The following GAS2L3 variants were observed in gnomAD, a reference collection of about 807,000 sequenced individuals.
GAS2L3 encodes growth arrest specific 2 like 3.
In GAS2L3, 28 loss-of-function variants were observed where a neutral mutation model predicts 37.0. That is an observed-to-expected ratio of 0.76 (90% CI 0.56 to 1.04). The LOEUF is 1.04. GAS2L3 is among the 50% of genes least tolerant of loss of function. The pLI, the probability that GAS2L3 is intolerant of heterozygous loss-of-function variation, is 0.00. For missense variants in GAS2L3, 793 were observed against 817.6 expected, an observed-to-expected ratio of 0.97 and a Z score of 0.37; for synonymous variants, 290 against 296.6, an observed-to-expected ratio of 0.98 and a Z score of 0.23.
At chr12:100,585,501 ACCTTGGCCTC>A (rs1955768944) in intron 1 of GAS2L3, among the ~76,000 whole-genome samples, 1 of 149,904 alleles carries the variant, frequency 6.7e-6, no homozygotes, top group South Asian at 2.1e-4. Flanking sequence ...TGATCCACCC[ACCTTGGCCTC>A]CCAAAGTGCT....
chr12:100,617,777 G>A lies in GAS2L3; in HGVS notation c.479G>A (p.Cys160Tyr). 2 of 1,608,080 alleles carry A rather than the reference G, an allele frequency of 1.2e-6. No individual in the cohort carries two copies. The highest frequency in any genetic ancestry group is 1.7e-6 in the Non-Finnish European group (2 of 1,175,364). Residue 160 changes from cysteine (C) to tyrosine (Y), a missense_variant, in exon 7 of 10, where the codon TGT becomes TAT. Transcript: ENST00000547754. Reference protein sequence around the residue: ...LHKDPRQVYLCLLEIGRIVSR... With the variant: ...LHKDPRQVYLYLLEIGRIVSR... ...AAAGATCCAAGACAGGTGTATCTTTGTCTTCTTGAAATTGGTCGAATTGTG... is the reference window on the plus strand; with the variant it reads ...AAAGATCCAAGACAGGTGTATCTTTATCTTCTTGAAATTGGTCGAATTGTG...
chr12:100,615,590 A>G (rs1434335027), intron 6 of GAS2L3, among the ~76,000 whole-genome samples: 3 of 152,058 alleles, frequency 2.0e-5, no homozygotes, highest in Admixed American at 2.0e-4. Context: ...ATATATTTTT[A>G]ACATTTTTTT....
intron 1 of GAS2L3, among the ~76,000 whole-genome samples, chr12:100,585,202 C>G (rs1955765213): frequency 6.6e-6 from 1 of 150,386 alleles, no homozygotes; most frequent in South Asian, 2.1e-4. Context: ...CCTGGTCCTA[C>G]TTGAATGTTT....
intron 1 of GAS2L3, among the ~76,000 whole-genome samples, chr12:100,585,157 C>T (rs1955764728): frequency 6.6e-6 from 1 of 151,570 alleles, no homozygotes; most frequent in Non-Finnish European, 1.5e-5. Context: ...CCTTGGCCTC[C>T]CAAAGTGCTG....
intron 3 of GAS2L3, among the ~76,000 whole-genome samples, chr12:100,595,321 T>C (rs1955897552): frequency 6.6e-6 from 1 of 151,842 alleles, no homozygotes; most frequent in African/African-American, 2.4e-5. Flanking sequence ...CAAATATATG[T>C]TTTTAAATTT....
intron 5 of GAS2L3, among the ~76,000 whole-genome samples, chr12:100,604,173 C>T (rs1303149031): frequency 6.6e-6 from 1 of 151,992 alleles, no homozygotes; most frequent in African/African-American, 2.4e-5. Context: ...TGCATTGAAT[C>T]TGTAGATTGC....
At chr12:100,611,572 G>A (rs535419350) in intron 5 of GAS2L3, among the ~76,000 whole-genome samples, 1 of 152,062 alleles carries the variant, frequency 6.6e-6, no homozygotes, top group Non-Finnish European at 1.5e-5. Context: ...AGATTTGGGC[G>A]GGGGTGGTTT....
Position 100,618,541 on chromosome 12 carries a change from T to A in GAS2L3, c.602T>A (p.Ile201Asn). The change falls in exon 8 of 10, where the codon ATC (isoleucine) becomes AAC (asparagine). Residue 201 changes from isoleucine (I) to asparagine (N), a missense_variant. Transcript: ENST00000547754. The stretch of plus-strand genomic sequence containing the variant: ...AATACTTCTGGGCCTGAAGATTCCA[T>A]CAGCATTCCAAAATCATGCTGTCGG... Reference protein sequence around the residue: ...LLNTSGPEDSISIPKSCCRHE... With the variant: ...LLNTSGPEDSNSIPKSCCRHE... 6.2e-7 allele frequency: 1 copy of A among 1,612,600 alleles called. No homozygotes were observed. Among genetic ancestry groups the A allele is most frequent in the Non-Finnish European group, 8.5e-7 (1 of 1,179,350 alleles).
intron 1 of GAS2L3, among the ~76,000 whole-genome samples, chr12:100,588,741 T>TC: frequency 6.6e-6 from 1 of 151,900 alleles, no homozygotes; most frequent in Admixed American, 6.6e-5. Flanking sequence ...TTTATAGACC[T>TC]CCCCCCAGGA....
chr12:100,591,904 A>G (rs1002893876), intron 2 of GAS2L3, 48 bp downstream of exon 2: 1 of 152,148 alleles, frequency 6.6e-6, no homozygotes, highest in Non-Finnish European at 1.5e-5. Flanking sequence ...TATGATTGGT[A>G]TAGATATATT....
intron 1 of GAS2L3, among the ~76,000 whole-genome samples, chr12:100,590,735 G>A (rs1185044139): frequency 2.0e-5 from 3 of 152,100 alleles, no homozygotes; most frequent in East Asian, 1.9e-4. Flanking sequence ...AATATATGAT[G>A]GAATATTATG....
rs536450094 is a variant in GAS2L3 at position 100,575,696 on chromosome 12, T to A, written c.-152+1911T>A. 2.6e-5 allele frequency among the ~76,000 whole-genome samples: 4 copies of A among 152,096 alleles called. No individual in the cohort carries two copies. In the East Asian group the frequency reaches 7.7e-4, roughly 29 times the overall value. ...GGTTTCACCATGTTGGCCAGGATGG[T>A]CTCGATCTCTTGACGTCGTGTTCCG... On this transcript the variant is annotated intron_variant, in intron 1 of 9. Coordinates refer to ENST00000547754, the MANE Select transcript of GAS2L3 (RefSeq NM_174942.3).
chr12:100,585,776 C>A (rs1292442299), intron 1 of GAS2L3, among the ~76,000 whole-genome samples: 4 of 152,190 alleles, frequency 2.6e-5, no homozygotes, highest in Non-Finnish European at 5.9e-5. Flanking sequence ...CATCTCCTTT[C>A]CAGTGGAGAC....
intron 1 of GAS2L3, among the ~76,000 whole-genome samples, chr12:100,577,765 T>A (rs1372040726): frequency 6.6e-6 from 1 of 152,212 alleles, no homozygotes; most frequent in Non-Finnish European, 1.5e-5. Flanking sequence ...GGGGAGATGA[T>A]TCAGGGAAGA....
In GAS2L3 at chr12:100,624,832, A is replaced by G. The variant is rs137960591; in HGVS notation, c.2027A>G (p.Lys676Arg). Reference protein sequence around the residue: ...DSGDKKPTAKKKEDDDHYFVM... With the variant: ...DSGDKKPTAKRKEDDDHYFVM... ...GGAGATAAAAAACCTACTGCAAAGAAAAAGGAAGATGATGACCATTATTTT... is the reference window on the plus strand; with the variant it reads ...GGAGATAAAAAACCTACTGCAAAGAGAAAGGAAGATGATGACCATTATTTT... Residue 676 changes from lysine to arginine, a missense_variant, in exon 10 of 10, where the codon AAA becomes AGA. By Grantham distance (26) the Lys-to-Arg change is conservative. Transcript: ENST00000547754. 1 of 1,611,526 alleles carries G rather than the reference A, an allele frequency of 6.2e-7. No individual in the cohort carries two copies. The highest frequency in any genetic ancestry group is 8.5e-7 in the Non-Finnish European group (1 of 1,178,162).
intron 5 of GAS2L3, among the ~76,000 whole-genome samples, chr12:100,609,873 C>T (rs1327779541): frequency 6.6e-6 from 1 of 152,190 alleles, no homozygotes; most frequent in East Asian, 1.9e-4. Flanking sequence ...TGTGCTCTCC[C>T]CCTCCCAAAT....
intron 1 of GAS2L3, among the ~76,000 whole-genome samples, chr12:100,585,819 C>T (rs1955774152): frequency 6.6e-6 from 1 of 152,198 alleles, no homozygotes; most frequent in Non-Finnish European, 1.5e-5. Context: ...CATTGTTTGT[C>T]ACTGAACTAC....
intron 3 of GAS2L3, among the ~76,000 whole-genome samples, chr12:100,599,370 T>C (rs1955955095): frequency 2.0e-5 from 3 of 152,236 alleles, no homozygotes; most frequent in African/African-American, 7.2e-5. Context: ...ATAAAATTTA[T>C]AGAGTGTCAG....
At chr12:100,604,520 A>G (rs950719450) in intron 5 of GAS2L3, among the ~76,000 whole-genome samples, 3 of 140,508 alleles carry the variant, frequency 2.1e-5, no homozygotes, top group South Asian at 4.5e-4. Flanking sequence ...TTTTCTAACT[A>G]TAAGATCGTA....
Sources: allele counts gnomAD v4.1 joint callset (sites outside exome capture counted in the v4.1 genomes callset), GRCh38; gene constraint gnomAD v4.1.1; transcripts MANE v1.5; gene names NCBI Gene and HGNC (gene_info 2026-07-23, HGNC 2026-07-21).